ERAP1: variants seen among roughly 807,000 people sequenced by gnomAD.
The protein encoded by ERAP1 is endoplasmic reticulum aminopeptidase 1, also known as adipocyte-derived leucine aminopeptidase.
In ERAP1, 86 loss-of-function variants were observed where a neutral mutation model predicts 103.7. The observed-to-expected ratio is 0.83, with a 90% CI of 0.70 to 0.99. ERAP1 has a LOEUF of 0.99. Ranked by LOEUF, ERAP1 falls within the 50% of genes least tolerant of loss-of-function variation. The pLI, the probability that ERAP1 is intolerant of heterozygous loss-of-function variation, is 0.00. For missense variants in ERAP1, 1,009 were observed against 1,128.4 expected, an observed-to-expected ratio of 0.89 and a Z score of 1.52; for synonymous variants, 398 against 402.4, an observed-to-expected ratio of 0.99 and a Z score of 0.13.
Position 96,775,130 on chromosome 5 carries a change from T to C in ERAP1, c.*1266A>G. ...CAGAATAAGAAATAAAATCTAATTC[T>C]TAGGGTATTAACTGACTTGACTTGA... is the stretch of plus-strand genomic sequence containing the variant. On this transcript the variant is annotated 3_prime_UTR_variant, in exon 19 of 19. Transcript: ENST00000443439. 2.0e-6 allele frequency: 2 copies of C among 985,552 alleles called. No individual in the cohort carries two copies. The highest frequency in any genetic ancestry group is 2.4e-6 in the Non-Finnish European group (2 of 829,924). The allele number at this position is 985,552 out of a possible 1,614,324, so 61.1% of individuals were successfully genotyped here. A position where few individuals can be genotyped will look rare whatever the true frequency, so the allele number is the denominator to read the frequency against.
At chr5:96,768,094 T>G in intron 19 of ERAP1, 1 of 857,446 alleles carries the variant, frequency 1.2e-6, no homozygotes, top group Non-Finnish European at 2.0e-6. Context: ...TATCTATCGG[T>G]CTGTCTTGTA....
rs374742336 is a variant in ERAP1 at position 96,780,510 on chromosome 5, G to T, written c.2589-6C>A. The T allele has an allele frequency of 8.7e-6, 14 of 1,607,634 alleles. No individual in the cohort carries two copies. In the African/African-American group the frequency reaches 1.6e-4, roughly 18 times the overall value. On this transcript the variant is annotated splice_region_variant and splice_polypyrimidine_tract_variant and intron_variant, in intron 17 of 18. Transcript: ENST00000443439. ...AAGATGAGCCAAGTTCAAACCTAGA[G>T]AGGGAAATATTCAAAAACGGGTTGT... is the stretch of plus-strand genomic sequence containing the variant.
At chr5:96,900,166 G>A in the ERAP1 span, 17 of 1,613,808 alleles carry the variant, frequency 1.1e-5, 1 homozygote, top group Admixed American at 2.7e-4. Context: ...TTGTCATTCG[G>A]ATCCCAAGAT....
At chr5:96,932,605 G>A in the ERAP1 span, among the ~76,000 whole-genome samples, 30 of 152,288 alleles carry the variant, frequency 2.0e-4, no homozygotes, top group East Asian at 1.2e-3. Flanking sequence ...ATGTCTGCTC[G>A]TGGATTGTGC....
At chr5:96,915,724 C>T in the ERAP1 span, 558 of 1,597,948 alleles carry the variant, frequency 3.5e-4, 9 homozygotes, top group East Asian at 0.01. Context: ...GGATGATCAT[C>T]TCTGGCACAA....
chr5:96,893,603 C>T, the ERAP1 span, among the ~76,000 whole-genome samples: 1 of 152,210 alleles, frequency 6.6e-6, no homozygotes, highest in Non-Finnish European at 1.5e-5. Context: ...AGCTCTACCT[C>T]TGAGGCTCCA....
chr5:96,765,074 AC>A (rs1769373662), intron 19 of ERAP1: 6 of 630,346 alleles, frequency 9.5e-6, no homozygotes, highest in South Asian at 2.0e-5. Context: ...CTCTTCTCTG[AC>A]CCTGTCTACT....
the ERAP1 span, chr5:96,909,261 C>T: frequency 1.3e-6 from 1 of 753,864 alleles, no homozygotes; most frequent in South Asian, 1.9e-5. Context: ...TGGTCAATGA[C>T]CCTTGTTCTT....
the ERAP1 span, among the ~76,000 whole-genome samples, chr5:96,891,414 T>C: frequency 6.6e-6 from 1 of 150,398 alleles, no homozygotes; most frequent in African/African-American, 2.4e-5. Flanking sequence ...CACATATACA[T>C]ATACACACAC....
chr5:96,846,490 A>G, the ERAP1 span, among the ~76,000 whole-genome samples: 2 of 152,210 alleles, frequency 1.3e-5, no homozygotes, highest in Non-Finnish European at 2.9e-5. Flanking sequence ...AGGGGATTTC[A>G]ATGTTCTGCC....
At chr5:96,913,605 G>A in the ERAP1 span, 2 of 916,918 alleles carry the variant, frequency 2.2e-6, no homozygotes, top group Non-Finnish European at 3.4e-6. Flanking sequence ...AAACTCCCTA[G>A]CCCAAATTAT....
At chr5:96,876,249 G>A in the ERAP1 span, 4 of 152,294 alleles carry the variant, frequency 2.6e-5, no homozygotes, top group Non-Finnish European at 5.9e-5. Context: ...TGGGGACAAG[G>A]GAAGGGAGGT....
At chr5:96,835,567 A>C in the ERAP1 span, among the ~76,000 whole-genome samples, 1 of 152,204 alleles carries the variant, frequency 6.6e-6, no homozygotes, top group Non-Finnish European at 1.5e-5. Context: ...TTTTTAAAAC[A>C]ATTATTGCTG....
At position 96,788,679 on chromosome 5, in the gene ERAP1, G is replaced by A; in HGVS notation, c.1531C>T (p.His511Tyr). The A allele has an allele frequency of 6.2e-7, 1 of 1,613,900 alleles. No individual in the cohort carries two copies. Among genetic ancestry groups the A allele is most frequent in the Non-Finnish European group, 8.5e-7 (1 of 1,179,976 alleles). The stretch of plus-strand genomic sequence containing the variant: ...GTTTTCACATCCACCCCTTCCTGAT[G>A]CCAATGCTGGTGTGTACACAAAAAG... ...SQHSSSSSHW[H>Y]QEGVDVKTMM... Residue 511 changes from histidine to tyrosine, a missense_variant, in exon 11 of 19, where the codon CAT becomes TAT. Coordinates refer to ENST00000443439, the MANE Select transcript of ERAP1 (RefSeq NM_001040458.3).
chr5:96,852,763 A>C, the ERAP1 span, among the ~76,000 whole-genome samples: 1 of 152,228 alleles, frequency 6.6e-6, no homozygotes, highest in Non-Finnish European at 1.5e-5. Context: ...GGTAATGTGA[A>C]TAGAAATGGT....
At chr5:96,798,468 G>A (rs1051519582) in intron 3 of ERAP1, among the ~76,000 whole-genome samples, 8 of 152,050 alleles carry the variant, frequency 5.3e-5, no homozygotes, top group African/African-American at 1.9e-4. Context: ...TAACACGTCA[G>A]CAATAAAAAG....
chr5:96,913,685 G>GC, the ERAP1 span, among the ~76,000 whole-genome samples: 1 of 152,288 alleles, frequency 6.6e-6, no homozygotes, highest in East Asian at 1.9e-4. Context: ...TTCAGTCCAG[G>GC]CAAGAAACCA....
chr5:96,889,903 A>G, the ERAP1 span, among the ~76,000 whole-genome samples: 1 of 152,096 alleles, frequency 6.6e-6, no homozygotes, highest in African/African-American at 2.4e-5. Context: ...TGGAGGAATC[A>G]CCATACCTTA....
chr5:96,893,091 C>T, the ERAP1 span, among the ~76,000 whole-genome samples: 1 of 152,162 alleles, frequency 6.6e-6, no homozygotes, highest in Non-Finnish European at 1.5e-5. Context: ...ACGGCCACTA[C>T]AACTACAAGA....
Sources: allele counts gnomAD v4.1 joint callset (sites outside exome capture counted in the v4.1 genomes callset), GRCh38; gene constraint gnomAD v4.1.1; transcripts MANE v1.5; gene names NCBI Gene and HGNC (gene_info 2026-07-23, HGNC 2026-07-21).